Variants in KIAA1217 observed in about 807,000 individuals in gnomAD.
KIAA1217 encodes sickle tail protein homolog.
In KIAA1217, 88 loss-of-function variants were observed where a neutral mutation model predicts 163.9. The ratio of observed to expected loss-of-function variants is 0.54; its 90% CI spans 0.45 to 0.64. The LOEUF (loss-of-function observed/expected upper bound fraction) is 0.64. Among genes scored for constraint, KIAA1217 ranks in the 30% least tolerant of loss-of-function variants. KIAA1217 has a pLI of 0.00. For missense variants in KIAA1217, 2,372 were observed against 2,475.0 expected (o/e 0.96, Z 0.88); for synonymous variants, 903 against 923.1 (o/e 0.98, Z 0.39).
In KIAA1217 at chr10:24,544,254, A is replaced by T. The variant is rs1317460784; in HGVS notation, c.4984A>T (p.Thr1662Ser). The change falls in exon 19 of 21, where the codon ACC becomes TCC. Residue 1662 changes from threonine (T) to serine (S), a missense_variant. Physicochemically the swap from Thr to Ser is moderately conservative, Grantham distance 58. Transcript: ENST00000376454. ...AAGAACTGATGAAATTAGAAAAAAC[A>T]CCTACAGAACATTGGATAGCCTGGA... ...ISRTDEIRKNTYRTLDSLEQT... is the reference protein window; with the variant it reads ...ISRTDEIRKNSYRTLDSLEQT... 1.9e-6 allele frequency: 3 copies of T among 1,614,062 alleles called. No individual in the cohort carries two copies. The highest frequency in any genetic ancestry group is 2.5e-6 in the Non-Finnish European group (3 of 1,180,044).
intron 1 of KIAA1217, among the ~76,000 whole-genome samples, chr10:24,216,827 CAAA>C (rs199499926): frequency 3.6e-5 from 2 of 55,804 alleles, no homozygotes; most frequent in Middle Eastern, 0.016. Context: ...ACTCTGTGTC[CAAA>C]AAAAAAAAAA....
chr10:24,506,768 A>G (rs1246728837), intron 9 of KIAA1217, among the ~76,000 whole-genome samples: 1 of 152,224 alleles, frequency 6.6e-6, no homozygotes, highest in Non-Finnish European at 1.5e-5. Context: ...GGAAAAACCC[A>G]AGCATGGCAC....
chr10:24,014,947 G>C (rs1025828037), intron 2 of KIAA1217, among the ~76,000 whole-genome samples: 1 of 151,350 alleles, frequency 6.6e-6, no homozygotes, highest in Non-Finnish European at 1.5e-5. Flanking sequence ...TAATATCTTC[G>C]ATCAAAAATA....
chr10:24,457,493 G>A (rs1021324107), intron 5 of KIAA1217, among the ~76,000 whole-genome samples: 1 of 151,992 alleles, frequency 6.6e-6, no homozygotes, highest in African/African-American at 2.4e-5. Flanking sequence ...TGAACTCCTG[G>A]GCTCAAGCCA....
At chr10:23,858,564 C>CT (rs968468311) in intron 1 of KIAA1217, among the ~76,000 whole-genome samples, 2 of 151,806 alleles carry the variant, frequency 1.3e-5, no homozygotes, top group African/African-American at 4.8e-5. Flanking sequence ...TGAATTCTTG[C>CT]TTTTTGAAAA....
intron 1 of KIAA1217, among the ~76,000 whole-genome samples, chr10:23,810,366 A>G (rs1296415000): frequency 6.8e-6 from 1 of 146,094 alleles, no homozygotes; most frequent in Non-Finnish European, 1.5e-5. Flanking sequence ...TATATATAGT[A>G]TATATTCTAG....
intron 2 of KIAA1217, among the ~76,000 whole-genome samples, chr10:24,087,569 C>A (rs1262959715): frequency 6.6e-6 from 1 of 152,156 alleles, no homozygotes; most frequent in African/African-American, 2.4e-5. Context: ...CTTGAGTTAA[C>A]TGATAAATAA....
At chr10:23,836,909 T>A (rs189482519) in intron 1 of KIAA1217, among the ~76,000 whole-genome samples, 2 of 124,016 alleles carry the variant, frequency 1.6e-5, no homozygotes, top group Admixed American at 2.1e-4. Flanking sequence ...GGTGACAGAG[T>A]GAGACCCTGT....
intron 1 of KIAA1217, among the ~76,000 whole-genome samples, chr10:23,934,172 T>C (rs1414844633): frequency 6.6e-6 from 1 of 152,092 alleles, no homozygotes; most frequent in African/African-American, 2.4e-5. Context: ...ATAAGTAAAA[T>C]GTGGTACATG....
chr10:23,941,788 CAT>C (rs1335058382), intron 1 of KIAA1217, among the ~76,000 whole-genome samples: 4 of 152,126 alleles, frequency 2.6e-5, no homozygotes. Flanking sequence ...TAAATTTAGT[CAT>C]GTTAGAGGGC....
intron 1 of KIAA1217, among the ~76,000 whole-genome samples, chr10:23,802,151 G>A (rs1357004647): frequency 2.6e-5 from 4 of 152,108 alleles, no homozygotes; most frequent in Non-Finnish European, 5.9e-5. Flanking sequence ...CAGATGAAGG[G>A]CAGATACATG....
rs117095886 is a variant in KIAA1217 at position 24,368,577 on chromosome 10, G to A, written c.355-12292G>A. 2.9e-3 allele frequency among the ~76,000 whole-genome samples: 445 copies of A among 152,226 alleles called. 14 individuals carry two copies. The East Asian group carries it at 0.072, about 25-fold the overall frequency. ...TTTTTCAGAGATGGAATAGGATGAA[G>A]GTTAAGGTTGGAAATCGAAGGTGAT... On this transcript the variant is annotated intron_variant, in intron 2 of 20. Coordinates refer to ENST00000376454, the MANE Select transcript of KIAA1217 (RefSeq NM_019590.5).
rs556609015 is a variant in KIAA1217 at position 24,537,587 on chromosome 10, A to T, written c.3534+694A>T. ...AGCAAAACTCTGTCTCAAAAAAAAAAAAAAAGTAAAAACCTTTGATTTGGG... is the reference window on the plus strand; with the variant it reads ...AGCAAAACTCTGTCTCAAAAAAAAATAAAAAGTAAAAACCTTTGATTTGGG... On this transcript the variant is annotated intron_variant, in intron 17 of 20. Transcript: ENST00000376454. Among the ~76,000 whole-genome samples, 15 of 152,058 alleles carry T rather than the reference A, an allele frequency of 9.9e-5. No homozygotes were observed. The East Asian group carries it at 2.0e-3, about 20-fold the overall frequency.
At chr10:24,337,426 G>A (rs2046480198) in intron 2 of KIAA1217, among the ~76,000 whole-genome samples, 1 of 152,134 alleles carries the variant, frequency 6.6e-6, no homozygotes, top group Non-Finnish European at 1.5e-5. Context: ...AAAGGGTTCT[G>A]GGAAGTTGAT....
At chr10:24,291,075 A>G (rs1174092835) in intron 2 of KIAA1217, among the ~76,000 whole-genome samples, 1 of 152,202 alleles carries the variant, frequency 6.6e-6, no homozygotes, top group East Asian at 1.9e-4. Context: ...TGTTGACCAC[A>G]GTGGTTGTTG....
chr10:24,173,182 G>C (rs2065713328), intron 2 of KIAA1217, among the ~76,000 whole-genome samples: 1 of 152,128 alleles, frequency 6.6e-6, no homozygotes, highest in Non-Finnish European at 1.5e-5. Flanking sequence ...ACCTGATTGT[G>C]AACAGAGCAT....
intron 2 of KIAA1217, among the ~76,000 whole-genome samples, chr10:24,102,037 G>A (rs1371152160): frequency 2.0e-5 from 3 of 152,086 alleles, no homozygotes; most frequent in African/African-American, 4.8e-5. Flanking sequence ...CAGCTTTATG[G>A]TACGTGAATT....
At chr10:24,523,616 G>A (rs1481491645) in intron 12 of KIAA1217, among the ~76,000 whole-genome samples, 1 of 152,190 alleles carries the variant, frequency 6.6e-6, no homozygotes, top group Non-Finnish European at 1.5e-5. Context: ...GACAGGTCCT[G>A]AGGAAGTCAT....
chr10:24,347,093 C>T (rs1455014093), intron 2 of KIAA1217, among the ~76,000 whole-genome samples: 3 of 152,226 alleles, frequency 2.0e-5, no homozygotes, highest in South Asian at 4.1e-4. Flanking sequence ...TAGTCTGATA[C>T]CTCATAGCTT....
Sources: allele counts gnomAD v4.1 joint callset (sites outside exome capture counted in the v4.1 genomes callset), GRCh38; gene constraint gnomAD v4.1.1; transcripts MANE v1.5; gene names NCBI Gene and HGNC (gene_info 2026-07-23, HGNC 2026-07-21).